PKD2: variants seen among roughly 807,000 people sequenced by gnomAD.
The protein encoded by PKD2 is polycystin-2.
Under a neutral mutation model 105.9 loss-of-function variants are expected in PKD2, and 48 were observed. The ratio of observed to expected loss-of-function variants is 0.45; its 90% CI spans 0.36 to 0.58. The LOEUF (loss-of-function observed/expected upper bound fraction) is 0.58. Among genes scored for constraint, PKD2 ranks in the 20% least tolerant of loss-of-function variants. PKD2 has a pLI of 0.00. For missense variants in PKD2, 1,078 were observed against 1,255.3 expected (o/e 0.86, Z 2.13); for synonymous variants, 464 against 481.1 (o/e 0.96, Z 0.46).
intron 6 of PKD2, 110 bp downstream of exon 6, chr4:88,046,980 A>G: frequency 1.3e-6 from 1 of 763,582 alleles, no homozygotes. Flanking sequence ...AAAGAATCTA[A>G]AAGTCCCCCT....
At chr4:88,033,686 A>G (rs191073733) in intron 2 of PKD2, among the ~76,000 whole-genome samples, 1 of 152,368 alleles carries the variant, frequency 6.6e-6, no homozygotes, top group African/African-American at 2.4e-5. Flanking sequence ...ATAAAAATAT[A>G]TAAATAATTT....
At chr4:88,047,759 G>A (rs1463662592) in intron 6 of PKD2, among the ~76,000 whole-genome samples, 2 of 151,882 alleles carry the variant, frequency 1.3e-5, no homozygotes, top group Non-Finnish European at 2.9e-5. Flanking sequence ...GCACTTTAGG[G>A]AACTGAGGTG....
intron 1 of PKD2, among the ~76,000 whole-genome samples, chr4:88,015,949 C>T (rs919185757): frequency 2.0e-5 from 3 of 152,184 alleles, no homozygotes; most frequent in Non-Finnish European, 4.4e-5. Context: ...ACAATTTTTC[C>T]ACAGACCTGG....
At chr4:88,008,404 G>C (rs1406080897) in intron 1 of PKD2, 76 bp downstream of exon 1, 6 of 1,451,344 alleles carry the variant, frequency 4.1e-6, no homozygotes, top group Non-Finnish European at 5.4e-6. Context: ...CGCCCGCTGC[G>C]GCAGCTCCCC....
At chr4:88,054,735 A>C (rs1720257911) in intron 7 of PKD2, among the ~76,000 whole-genome samples, 2 of 146,430 alleles carry the variant, frequency 1.4e-5, no homozygotes, top group Admixed American at 1.4e-4. Context: ...GCTCACTGCA[A>C]CCTCCGTCTC....
chr4:88,058,129 G>T, intron 9 of PKD2, 26 bp downstream of exon 9: 1 of 1,367,058 alleles, frequency 7.3e-7, no homozygotes, highest in Non-Finnish European at 1.0e-6. Context: ...TTTATAGTGA[G>T]GTTCAATTTA....
intron 1 of PKD2, among the ~76,000 whole-genome samples, chr4:88,009,404 G>A (rs1036019699): frequency 3.9e-5 from 6 of 152,054 alleles, no homozygotes; most frequent in African/African-American, 1.2e-4. Context: ...AACCAGGTCA[G>A]GCCTACACTG....
At chr4:88,057,111 T>C (rs1271102777) in intron 8 of PKD2, among the ~76,000 whole-genome samples, 1 of 152,126 alleles carries the variant, frequency 6.6e-6, no homozygotes, top group African/African-American at 2.4e-5. Context: ...TGCCTCAGCC[T>C]GCTGAGTAGC....
At chr4:88,051,036 C>G (rs183184398) in intron 6 of PKD2, among the ~76,000 whole-genome samples, 3 of 152,166 alleles carry the variant, frequency 2.0e-5, no homozygotes, top group African/African-American at 4.8e-5. Flanking sequence ...ATTCAGACCC[C>G]CTGGTGGGGC....
At chr4:88,046,389 G>A (rs181476467) in intron 5 of PKD2, among the ~76,000 whole-genome samples, 29 of 152,292 alleles carry the variant, frequency 1.9e-4, no homozygotes, top group Non-Finnish European at 2.5e-4. Flanking sequence ...ATAGAAAAGT[G>A]TAGGGAAGAC....
Position 88,074,137 on chromosome 4 carries a change from TTTTG to T in PKD2, c.2523-659_2523-656del, listed in dbSNP as rs369981154. Among the ~76,000 whole-genome samples the T allele has an allele frequency of 1.8e-4, 27 of 152,162 alleles. No individual in the cohort carries two copies. In the East Asian group the frequency reaches 4.1e-3, roughly 23 times the overall value. ...AATTTCCTACCAATTGTTGGGTGTT[TTTTG>T]TTTGTTTGTTTGTTTTTGAGACTGG... On this transcript the variant is annotated intron_variant, in intron 13 of 14. Coordinates refer to ENST00000237596, the MANE Select transcript of PKD2 (RefSeq NM_000297.4).
At chr4:88,043,787 A>G (rs550025226) in intron 5 of PKD2, among the ~76,000 whole-genome samples, 86 of 152,280 alleles carry the variant, frequency 5.6e-4, no homozygotes, top group African/African-American at 2.0e-3. Flanking sequence ...CACATGTTCC[A>G]TCACCAAGTC....
In PKD2 at chr4:88,067,834, C is replaced by T. The variant is rs547176896; in HGVS notation, c.2359-64C>T. 9 of 1,466,892 alleles carry T rather than the reference C, an allele frequency of 6.1e-6. No individual in the cohort carries two copies. The African/African-American group carries it at 9.7e-5, about 16-fold the overall frequency. 90.9% of individuals were successfully genotyped at this position (1,466,892 alleles called of 1,614,324 possible). On this transcript the variant is annotated intron_variant, in intron 12 of 14. Transcript: ENST00000237596. ...CACCCAGTTCCTGCTTGCCCAAGTC[C>T]TTGGTGAGGCTTCTGTGGGGTCTCA...
intron 4 of PKD2, among the ~76,000 whole-genome samples, chr4:88,039,891 G>A (rs1727492870): frequency 2.0e-5 from 3 of 152,102 alleles, no homozygotes; most frequent in Admixed American, 6.5e-5. Flanking sequence ...ATGAGAATAT[G>A]CCACCATGCC....
intron 8 of PKD2, among the ~76,000 whole-genome samples, chr4:88,056,705 G>GT (rs1033891699): frequency 4.5e-4 from 68 of 151,294 alleles, no homozygotes; most frequent in African/African-American, 1.2e-3. Flanking sequence ...AGAATTTTCA[G>GT]TTTTTTTTTC....
intron 10 of PKD2, among the ~76,000 whole-genome samples, chr4:88,063,571 G>T (rs1720665572): frequency 6.6e-6 from 1 of 151,798 alleles, no homozygotes; most frequent in South Asian, 2.1e-4. Context: ...AAAAGAGAAT[G>T]GGCTAGCAAA....
chr4:88,046,875 G>A lies in PKD2; in HGVS notation c.1548+5G>A. On this transcript the variant is annotated splice_donor_5th_base_variant and intron_variant, in intron 6 of 14. Transcript: ENST00000237596. ...CTGGATGTTGTGATCGTTGTGGTAG[G>A]TTTGAGAACAACACCAAATTTCCTA... 1 of 1,540,834 alleles carries A rather than the reference G, an allele frequency of 6.5e-7. No homozygotes were observed. Among genetic ancestry groups the A allele is most frequent in the Admixed American group, 1.7e-5 (1 of 59,926 alleles).
intron 3 of PKD2, among the ~76,000 whole-genome samples, chr4:88,036,983 C>T (rs1727356683): frequency 6.6e-6 from 1 of 152,188 alleles, no homozygotes; most frequent in Admixed American, 6.5e-5. Context: ...AATCCCAGCA[C>T]TTTGGGAGGC....
chr4:88,008,373 G>C, intron 1 of PKD2, 45 bp downstream of exon 1: 1 of 1,484,586 alleles, frequency 6.7e-7, no homozygotes, highest in Non-Finnish European at 8.9e-7. Flanking sequence ...AACCAGAACG[G>C]CCGGCGCCGG....
Sources: allele counts gnomAD v4.1 joint callset (sites outside exome capture counted in the v4.1 genomes callset), GRCh38; gene constraint gnomAD v4.1.1; transcripts MANE v1.5; gene names NCBI Gene and HGNC (gene_info 2026-07-23, HGNC 2026-07-21).